The following SI variants were observed in gnomAD, a reference collection of about 807,000 sequenced individuals.
The protein encoded by SI is sucrase-isomaltase, intestinal.
A neutral mutation model predicts 253.3 loss-of-function variants in SI; 235 were observed. The ratio of observed to expected loss-of-function variants is 0.93; its 90% CI spans 0.83 to 1.03. SI has a LOEUF of 1.03. Among genes scored for constraint, SI ranks in the 50% least tolerant of loss-of-function variants. SI has a pLI of 0.00. For synonymous variants in SI, 819 were observed against 712.0 expected (o/e 1.15, Z -2.39); for missense variants, 2,442 against 2,211.1 (o/e 1.10, Z -2.09).
At chr3:165,013,938 G>T (rs888544624) in intron 33 of SI, among the ~76,000 whole-genome samples, 1 of 151,928 alleles carries the variant, frequency 6.6e-6, no homozygotes, top group Non-Finnish European at 1.5e-5. Flanking sequence ...TGTTGCCCAG[G>T]TTGATCTCGA....
intron 3 of SI, among the ~76,000 whole-genome samples, chr3:165,069,592 T>C (rs1714431113): frequency 6.6e-6 from 1 of 152,042 alleles, no homozygotes; most frequent in East Asian, 1.9e-4. Context: ...AGGATGAAAA[T>C]ATGGCCTTGA....
At chr3:165,084,873 A>G in the SI span, among the ~76,000 whole-genome samples, 1 of 152,086 alleles carries the variant, frequency 6.6e-6, no homozygotes, top group Non-Finnish European at 1.5e-5. Flanking sequence ...TTCACAAATA[A>G]CAGTAAACAT....
intron 26 of SI, among the ~76,000 whole-genome samples, chr3:165,021,883 T>C (rs1244316185): frequency 6.6e-6 from 1 of 151,656 alleles, no homozygotes; most frequent in Non-Finnish European, 1.5e-5. Context: ...CTTTCCAGAA[T>C]TTGTTTACTG....
chr3:165,076,483 A>C (rs1714981668), intron 1 of SI, among the ~76,000 whole-genome samples: 1 of 151,824 alleles, frequency 6.6e-6, no homozygotes, highest in African/African-American at 2.4e-5. Flanking sequence ...GTTATAGTTC[A>C]AAGTTAAAAA....
rs147728322 is a variant in SI at position 164,995,571 on chromosome 3, A to G, written c.4692+964T>C. On this transcript the variant is annotated intron_variant, in intron 40 of 47. Transcript: ENST00000264382. The stretch of plus-strand genomic sequence containing the variant: ...TTCCTCAGTCTTTCCCTCCTTCTGC[A>G]TTTGAATTTTCCTTAAAAACACCAA... Among the ~76,000 whole-genome samples, 656 of 151,644 alleles carry G rather than the reference A, an allele frequency of 4.3e-3. 2 individuals are homozygous for G. The highest frequency in any genetic ancestry group is 0.015 in the African/African-American group (632 of 41,446).
rs1401065878 is a variant in SI at position 165,006,823 on chromosome 3, T to C, written c.4399A>G (p.Thr1467Ala). 1 of 1,612,160 alleles carries C rather than the reference T, an allele frequency of 6.2e-7. No homozygotes were observed. The highest frequency in any genetic ancestry group is 8.5e-7 in the Non-Finnish European group (1 of 1,178,600). Residue 1467 changes from threonine to alanine, a missense_variant, in exon 37 of 48, where the codon ACT becomes GCT. Coordinates refer to ENST00000264382, the MANE Select transcript of SI (RefSeq NM_001041.4). ...ATTCAGAACATTGCTTACTCATGAG[T>C]AGGTTTCATCTGTGACCATCCATAG... ...NLYGWSQMKP[T>A]HDALQKTTGK...
At chr3:165,002,743 G>A (rs566027520) in intron 37 of SI, among the ~76,000 whole-genome samples, 1 of 151,324 alleles carries the variant, frequency 6.6e-6, no homozygotes, top group African/African-American at 2.4e-5. Context: ...AAAATTTTCC[G>A]AGTTCAGCAG....
chr3:165,089,782 AGTTCCTC>A, the SI span, among the ~76,000 whole-genome samples: 3 of 151,956 alleles, frequency 2.0e-5, no homozygotes, highest in East Asian at 5.8e-4. Flanking sequence ...TCTCTGCTTG[AGTTCCTC>A]CCTGTCTGTT....
intron 45 of SI, among the ~76,000 whole-genome samples, chr3:164,985,065 G>A (rs2108113375): frequency 6.6e-6 from 1 of 152,198 alleles, no homozygotes; most frequent in East Asian, 1.9e-4. Context: ...CTTGCATGAG[G>A]AGATCATAGA....
At chr3:165,011,484 T>C (rs903058689) in intron 34 of SI, among the ~76,000 whole-genome samples, 3 of 152,094 alleles carry the variant, frequency 2.0e-5, no homozygotes, top group African/African-American at 4.8e-5. Context: ...GTATGTTTTC[T>C]ATCTTCTCAC....
chr3:165,089,403 T>C, the SI span, among the ~76,000 whole-genome samples: 1 of 152,092 alleles, frequency 6.6e-6, no homozygotes, highest in African/African-American at 2.4e-5. Flanking sequence ...GAGCCAACCC[T>C]ATGCAATTCT....
intron 22 of SI, 49 bp downstream of exon 22, chr3:165,036,340 C>T (rs763156247): frequency 7.6e-7 from 1 of 1,307,372 alleles, no homozygotes; most frequent in South Asian, 1.2e-5. Flanking sequence ...AAAGCCAAAA[C>T]TTCCCATTAT....
chr3:165,027,255 G>A (rs183279103), intron 25 of SI, among the ~76,000 whole-genome samples: 36 of 150,126 alleles, frequency 2.4e-4, no homozygotes, highest in African/African-American at 3.6e-4. Flanking sequence ...ACCTTAAATC[G>A]GGAAGAATTA....
intron 3 of SI, among the ~76,000 whole-genome samples, chr3:165,072,379 A>G (rs1432098601): frequency 6.6e-6 from 1 of 152,012 alleles, no homozygotes; most frequent in East Asian, 1.9e-4. Context: ...AGGGTATTTA[A>G]TGAAAAGTAT....
chr3:165,015,297 T>C, intron 32 of SI, 64 bp from the exon 33 acceptor site: 1 of 1,080,046 alleles, frequency 9.3e-7, no homozygotes, highest in Non-Finnish European at 1.4e-6. Context: ...TGGACAGTGA[T>C]TATGAAGCAT....
intron 19 of SI, among the ~76,000 whole-genome samples, 192 bp from the exon 20 acceptor site, chr3:165,039,326 CAA>C (rs1490748677): frequency 6.6e-6 from 1 of 151,638 alleles, no homozygotes; most frequent in Non-Finnish European, 1.5e-5. Context: ...CTTAAAAAAG[CAA>C]AGAGGTAAAT....
At chr3:165,088,292 G>GC in the SI span, among the ~76,000 whole-genome samples, 3 of 151,910 alleles carry the variant, frequency 2.0e-5, no homozygotes, top group African/African-American at 4.8e-5. Flanking sequence ...GTTGCAGTGA[G>GC]CCCAGAACAC....
chr3:165,057,170 T>C (rs1391097391), intron 12 of SI, among the ~76,000 whole-genome samples: 1 of 151,760 alleles, frequency 6.6e-6, no homozygotes, highest in Non-Finnish European at 1.5e-5. Flanking sequence ...AAGCAGAAAC[T>C]TGAGCTGAAA....
chr3:165,029,841 G>A (rs1232164882), intron 25 of SI, among the ~76,000 whole-genome samples: 1 of 150,198 alleles, frequency 6.7e-6, no homozygotes, highest in East Asian at 2.0e-4. Context: ...TTAGAGAAGT[G>A]AACTTCACTA....
Sources: allele counts gnomAD v4.1 joint callset (sites outside exome capture counted in the v4.1 genomes callset), GRCh38; gene constraint gnomAD v4.1.1; transcripts MANE v1.5; gene names NCBI Gene and HGNC (gene_info 2026-07-23, HGNC 2026-07-21).